MTCL2: variants seen among roughly 807,000 people sequenced by gnomAD.
The protein encoded by MTCL2 is microtubule cross-linking factor 2.
At chr20:36,859,233 A>C in the MTCL2 span, among the ~76,000 whole-genome samples, 1 of 152,190 alleles carries the variant, frequency 6.6e-6, no homozygotes, top group Non-Finnish European at 1.5e-5. Context: ...ATCCACACCC[A>C]GTGGGTTCCT....
At chr20:36,784,596 T>C in the MTCL2 span, 2 of 985,518 alleles carry the variant, frequency 2.0e-6, no homozygotes, top group Non-Finnish European at 1.2e-6. Context: ...GATGTCTATG[T>C]GTGTGTGGGG....
At chr20:36,863,410 G>C in the MTCL2 span, 8 of 1,102,034 alleles carry the variant, frequency 7.3e-6, no homozygotes, top group Admixed American at 4.9e-5. This position sits in a 1 kb window ranked among gnomAD's most constrained non-coding sequence, Gnocchi z 6.2. Flanking sequence ...CGACGTCCCT[G>C]GGGAGGGACC....
the MTCL2 span, among the ~76,000 whole-genome samples, chr20:36,812,310 A>G: frequency 6.6e-6 from 1 of 152,210 alleles, no homozygotes; most frequent in Non-Finnish European, 1.5e-5. Context: ...AGAATCAGAG[A>G]GGTAAAATGA....
At chr20:36,847,127 G>A in the MTCL2 span, among the ~76,000 whole-genome samples, 8 of 152,366 alleles carry the variant, frequency 5.3e-5, no homozygotes, top group Non-Finnish European at 8.8e-5. Flanking sequence ...TGAGGTAGGT[G>A]CTGAAAACGT....
At chr20:36,806,043 G>T in the MTCL2 span, 1 of 1,131,828 alleles carries the variant, frequency 8.8e-7, no homozygotes. Flanking sequence ...AGGTCGAGGA[G>T]CACGGCTGGA....
At chr20:36,855,529 G>T in the MTCL2 span, among the ~76,000 whole-genome samples, 2 of 152,212 alleles carry the variant, frequency 1.3e-5, no homozygotes, top group East Asian at 3.8e-4. Flanking sequence ...GCACCAAGGG[G>T]AGTGAACGTG....
the MTCL2 span, among the ~76,000 whole-genome samples, chr20:36,837,259 C>T: frequency 6.6e-6 from 1 of 152,210 alleles, no homozygotes; most frequent in South Asian, 2.1e-4. Context: ...AGGGCCGGGC[C>T]TGGGGGCCCT....
the MTCL2 span, among the ~76,000 whole-genome samples, chr20:36,847,389 C>T: frequency 1.3e-5 from 2 of 152,134 alleles, no homozygotes; most frequent in Non-Finnish European, 2.9e-5. Context: ...ATCTATGGTC[C>T]GTTGTGCTGG....
At chr20:36,782,149 T>C in the MTCL2 span, 1 of 152,178 alleles carries the variant, frequency 6.6e-6, no homozygotes, top group Non-Finnish European at 1.5e-5. Context: ...CCAGGAGAGT[T>C]TGTTAAACAT....
chr20:36,823,668 T>C, the MTCL2 span, among the ~76,000 whole-genome samples: 1 of 151,928 alleles, frequency 6.6e-6, no homozygotes, highest in South Asian at 2.1e-4. Context: ...ATTAGCCAGG[T>C]GTGGTGGCGT....
the MTCL2 span, among the ~76,000 whole-genome samples, chr20:36,831,042 CTG>C: frequency 6.6e-6 from 1 of 152,220 alleles, no homozygotes; most frequent in Non-Finnish European, 1.5e-5. Context: ...GTCCAGGACT[CTG>C]TAGCAACAGC....
At chr20:36,850,941 G>A in the MTCL2 span, among the ~76,000 whole-genome samples, 1 of 152,140 alleles carries the variant, frequency 6.6e-6, no homozygotes, top group Admixed American at 6.6e-5. Context: ...GGAAGCTTAG[G>A]GAAGGAAGCC....
the MTCL2 span, chr20:36,783,652 G>A: frequency 2.0e-6 from 1 of 502,138 alleles, no homozygotes; most frequent in Non-Finnish European, 2.6e-6. Flanking sequence ...GTTCGAGAAG[G>A]GCAGCATTCC....
At chr20:36,777,884 G>C in the MTCL2 span, 1 of 613,740 alleles carries the variant, frequency 1.6e-6, no homozygotes, top group Non-Finnish European at 2.9e-6. Flanking sequence ...TGTCTACAAG[G>C]TATCCCTGGG....
chr20:36,808,466 C>G, the MTCL2 span: 1 of 1,515,664 alleles, frequency 6.6e-7, no homozygotes, highest in East Asian at 2.4e-5. Context: ...CCCTGTCCCT[C>G]TCTCCCCAGC....
At chr20:36,851,912 G>A in the MTCL2 span, among the ~76,000 whole-genome samples, 1 of 152,154 alleles carries the variant, frequency 6.6e-6, no homozygotes, top group Non-Finnish European at 1.5e-5. Context: ...CTTCTAGTCA[G>A]CGCTCCTGTG....
chr20:36,809,979 C>T, the MTCL2 span: 3 of 1,599,326 alleles, frequency 1.9e-6, no homozygotes, highest in Admixed American at 1.7e-5. Flanking sequence ...GGGCACCACG[C>T]ACCTGGACCA....
At chr20:36,821,684 C>T in the MTCL2 span, among the ~76,000 whole-genome samples, 2 of 152,308 alleles carry the variant, frequency 1.3e-5, no homozygotes, top group Admixed American at 1.3e-4. Context: ...CGTCCCTGCA[C>T]TCCAGCCTGG....
the MTCL2 span, among the ~76,000 whole-genome samples, chr20:36,818,786 C>A: frequency 1.6e-3 from 249 of 152,210 alleles, 1 homozygote; most frequent in African/African-American, 5.8e-3. Context: ...TGTACAACAC[C>A]AACAAAGGGT....
Sources: gnomAD v4.1 joint callset for allele counts (sites outside exome capture counted in the v4.1 genomes callset) on GRCh38, gnomAD v4.1.1 for gene constraint, Gnocchi (gnomAD v3.1) non-coding constraint, MANE v1.5 for transcripts, NCBI Gene and HGNC (gene_info 2026-07-23, HGNC 2026-07-21) for gene names.